IFT43: variants seen among roughly 807,000 people sequenced by gnomAD.
IFT43 encodes intraflagellar transport 43.
In IFT43, 33 loss-of-function variants were observed where a neutral mutation model predicts 32.3. The ratio of observed to expected loss-of-function variants is 1.02; its 90% CI spans 0.77 to 1.37. The LOEUF is 1.37. Among genes scored for constraint, IFT43 ranks in the 40% most tolerant of loss-of-function variants. The probability of loss-of-function intolerance (pLI) is 0.00; values close to 1 mark genes in which losing one functional copy is unlikely to be tolerated. For missense variants in IFT43, 274 were observed against 265.9 expected, an observed-to-expected ratio of 1.03 and a Z score of -0.21; for synonymous variants, 93 against 98.2, an observed-to-expected ratio of 0.95 and a Z score of 0.31.
intron 2 of IFT43, among the ~76,000 whole-genome samples, chr14:75,990,745 G>T (rs2035622087): frequency 6.6e-6 from 1 of 152,186 alleles, no homozygotes; most frequent in Non-Finnish European, 1.5e-5. Flanking sequence ...CAGGGAGCTT[G>T]AACTGCAGTG....
intron 3 of IFT43, among the ~76,000 whole-genome samples, chr14:76,047,195 T>C (rs909422941): frequency 6.6e-6 from 1 of 152,200 alleles, no homozygotes; most frequent in Non-Finnish European, 1.5e-5. Flanking sequence ...TAGCACCCTC[T>C]GAATCTGGAG....
At chr14:76,043,383 C>T (rs2036743841) in intron 3 of IFT43, among the ~76,000 whole-genome samples, 1 of 147,842 alleles carries the variant, frequency 6.8e-6, no homozygotes, top group Non-Finnish European at 1.5e-5. Context: ...TGTGCAGGGC[C>T]TGGAACTCCA....
chr14:76,070,752 T>A (rs1362387708), intron 5 of IFT43, among the ~76,000 whole-genome samples: 1 of 152,048 alleles, frequency 6.6e-6, no homozygotes, highest in African/African-American at 2.4e-5. Context: ...TCCGGTTGTT[T>A]AAGTGTGTGG....
chr14:76,022,250 C>CA lies in IFT43; in HGVS notation c.148-71dup, dbSNP rs202239389. ...TGGGTGACAGAGTGAGATTTCATCT[C>CA]AAAAAATAGAAAATAAAAAATAAAA... On this transcript the variant is annotated intron_variant, in intron 2 of 8. Transcript: ENST00000314067. 6,950 of 1,370,410 alleles carry CA rather than the reference C, an allele frequency of 5.1e-3. 167 individuals carry two copies. Among genetic ancestry groups the CA allele is most frequent in the African/African-American group, 0.045 (3,136 of 69,450 alleles). 84.9% of individuals were successfully genotyped at this position (1,370,410 alleles called of 1,614,324 possible). A position where few individuals can be genotyped will look rare whatever the true frequency, so the allele number is the denominator to read the frequency against.
At chr14:76,076,828 C>G in intron 5 of IFT43, 1 of 916,252 alleles carries the variant, frequency 1.1e-6, no homozygotes, top group East Asian at 2.6e-5. Context: ...CAGTTGCCCT[C>G]ACATCCAACA....
At chr14:76,016,112 A>G (rs1304712096) in intron 2 of IFT43, among the ~76,000 whole-genome samples, 4 of 152,142 alleles carry the variant, frequency 2.6e-5, no homozygotes, top group East Asian at 1.9e-4. Flanking sequence ...ATCTTCTCCT[A>G]TAGTTTATCC....
rs1423029055 is a variant in IFT43 at position 75,985,861 on chromosome 14, C to A, written c.54+21C>A. On this transcript the variant is annotated intron_variant, in intron 1 of 8. Transcript: ENST00000314067. ...CCTCCGTGAGGACCAATTCGGGGGC[C>A]TTGGGGGCCAGGATTTGGCGGGTGG... 8 of 1,613,250 alleles carry A rather than the reference C, an allele frequency of 5.0e-6. No homozygotes were observed. In the African/African-American group the frequency reaches 1.1e-4, roughly 22 times the overall value.
chr14:76,072,549 T>C (rs192695063), intron 5 of IFT43, among the ~76,000 whole-genome samples: 1 of 152,316 alleles, frequency 6.6e-6, no homozygotes, highest in East Asian at 1.9e-4. Flanking sequence ...TGCATGCATC[T>C]GAAGAGGTAG....
At chr14:76,048,464 T>A (rs1477725829) in intron 3 of IFT43, among the ~76,000 whole-genome samples, 1 of 152,258 alleles carries the variant, frequency 6.6e-6, no homozygotes, top group Non-Finnish European at 1.5e-5. Flanking sequence ...TTGTTCTCCC[T>A]TTGATGGATT....
chr14:75,991,388 AGTGTGT>A (rs34624480), intron 2 of IFT43, among the ~76,000 whole-genome samples: 29,959 of 141,842 alleles, frequency 0.21, 3,201 homozygotes, highest in Middle Eastern at 0.27. Flanking sequence ...TATTAACAAG[AGTGTGT>A]GTGTGTGTGT....
At chr14:76,070,616 A>T (rs2140077173) in intron 5 of IFT43, among the ~76,000 whole-genome samples, 1 of 152,234 alleles carries the variant, frequency 6.6e-6, no homozygotes, top group South Asian at 2.1e-4. Context: ...CCAAGTCTCA[A>T]GTTGAATTGT....
At chr14:76,061,808 G>A (rs1594855572) in intron 5 of IFT43, among the ~76,000 whole-genome samples, 1 of 151,898 alleles carries the variant, frequency 6.6e-6, no homozygotes, top group East Asian at 1.9e-4. Flanking sequence ...TCAGATTATG[G>A]CATATTTGCA....
At chr14:76,030,562 C>T (rs1304433431) in intron 3 of IFT43, among the ~76,000 whole-genome samples, 7 of 152,110 alleles carry the variant, frequency 4.6e-5, no homozygotes, top group East Asian at 1.9e-4. Flanking sequence ...TTAAAAAATA[C>T]GCTCTATCCT....
At position 75,998,299 on chromosome 14, in the gene IFT43, G is replaced by T. The variant is rs368729396; in HGVS notation, c.147+9322G>T. Among the ~76,000 whole-genome samples, 186 of 152,304 alleles carry T rather than the reference G, an allele frequency of 1.2e-3. 5 individuals carry two copies. In the South Asian group the frequency reaches 0.036, roughly 30 times the overall value. Reference sequence around the variant, plus strand: ...GAGTGGGGGATGATGTATTCAACCTGCAGGAAATGCCCAAGAGGCTTTGAT... The same window carrying T: ...GAGTGGGGGATGATGTATTCAACCTTCAGGAAATGCCCAAGAGGCTTTGAT... On this transcript the variant is annotated intron_variant, in intron 2 of 8. Transcript: ENST00000314067.
At chr14:76,017,867 C>A (rs974221293) in intron 2 of IFT43, among the ~76,000 whole-genome samples, 4 of 151,376 alleles carry the variant, frequency 2.6e-5, no homozygotes, top group African/African-American at 9.7e-5. Flanking sequence ...TCTTATGATC[C>A]TTTGTATTTC....
At chr14:76,003,739 A>G (rs2035932527) in intron 2 of IFT43, among the ~76,000 whole-genome samples, 1 of 151,956 alleles carries the variant, frequency 6.6e-6, no homozygotes, top group Non-Finnish European at 1.5e-5. Context: ...TTTTAAAACT[A>G]TTTATATTAA....
At chr14:76,025,472 G>T (rs908721905) in intron 3 of IFT43, among the ~76,000 whole-genome samples, 12 of 151,962 alleles carry the variant, frequency 7.9e-5, no homozygotes, top group African/African-American at 2.9e-4. Flanking sequence ...GAACAAAAAA[G>T]GGCCCAAATA....
intron 2 of IFT43, among the ~76,000 whole-genome samples, chr14:75,992,365 A>G (rs546021043): frequency 6.6e-6 from 1 of 152,352 alleles, no homozygotes; most frequent in South Asian, 2.1e-4. Context: ...CTGTGCAAGC[A>G]TTCATTCAAT....
intron 5 of IFT43, among the ~76,000 whole-genome samples, chr14:76,077,090 A>G (rs2037425959): frequency 6.6e-6 from 1 of 151,948 alleles, no homozygotes; most frequent in Non-Finnish European, 1.5e-5. Flanking sequence ...CAGAATGTGG[A>G]GATTGGTGAA....
Sources: gnomAD v4.1 joint callset for allele counts (sites outside exome capture counted in the v4.1 genomes callset) on GRCh38, gnomAD v4.1.1 for gene constraint, MANE v1.5 for transcripts, NCBI Gene and HGNC (gene_info 2026-07-23, HGNC 2026-07-21) for gene names.